DMXL2: variants seen among roughly 807,000 people sequenced by gnomAD.
DMXL2 encodes dmX-like protein 2.
In DMXL2, 103 loss-of-function variants were observed where a neutral mutation model predicts 331.1. The observed-to-expected ratio is 0.31, with a 90% confidence interval of 0.27 to 0.37. The LOEUF (loss-of-function observed/expected upper bound fraction) is 0.37, where lower values mean the gene tolerates loss of function less well. Ranked by LOEUF, DMXL2 falls within the 10% of genes least tolerant of loss-of-function variation. The probability of loss-of-function intolerance (pLI) is 1.00; values close to 1 mark genes in which losing one functional copy is unlikely to be tolerated. For missense variants in DMXL2, 3,171 were observed against 3,642.9 expected (o/e 0.87, Z 3.33); for synonymous variants, 1,281 against 1,252.1 (o/e 1.02, Z -0.49).
chr15:51,569,217 A>C (rs967493589), intron 2 of DMXL2, among the ~76,000 whole-genome samples: 9 of 152,176 alleles, frequency 5.9e-5, no homozygotes, highest in African/African-American at 2.2e-4. Context: ...CTATCACAGC[A>C]TCTGAGGTTG....
At chr15:51,536,919 G>C (rs2140882469) in intron 11 of DMXL2, 57 bp from the exon 12 acceptor site, 1 of 1,386,614 alleles carries the variant, frequency 7.2e-7, no homozygotes, top group Non-Finnish European at 9.7e-7. Context: ...TCAAAAAAAA[G>C]ACTTCTATTC....
At chr15:51,520,930 G>A (rs1409543669) in intron 13 of DMXL2, among the ~76,000 whole-genome samples, 4 of 151,940 alleles carry the variant, frequency 2.6e-5, no homozygotes, top group African/African-American at 4.8e-5. Flanking sequence ...AAAGCAATTC[G>A]AGTGCAGTTT....
intron 8 of DMXL2, among the ~76,000 whole-genome samples, chr15:51,544,381 T>C (rs1410098967): frequency 1.3e-5 from 2 of 152,208 alleles, no homozygotes; most frequent in African/African-American, 4.8e-5. Flanking sequence ...CTGCTTCACC[T>C]TCTGCCATGG....
At chr15:51,511,941 C>T (rs2046780807) in intron 15 of DMXL2, among the ~76,000 whole-genome samples, 1 of 152,012 alleles carries the variant, frequency 6.6e-6, no homozygotes, top group East Asian at 1.9e-4. Flanking sequence ...AACACAGGAA[C>T]AGAAAAACCA....
intron 18 of DMXL2, among the ~76,000 whole-genome samples, chr15:51,497,133 AAC>A (rs1174902886): frequency 3.3e-5 from 5 of 152,250 alleles, no homozygotes; most frequent in African/African-American, 1.2e-4. Context: ...AATCTCATTC[AAC>A]TGCATACAAC....
intron 1 of DMXL2, among the ~76,000 whole-genome samples, chr15:51,601,208 G>A (rs958199848): frequency 1.3e-5 from 2 of 150,846 alleles, no homozygotes; most frequent in African/African-American, 2.4e-5. Context: ...GGAGAATGGC[G>A]TGAACCTGGG....
At chr15:51,609,168 T>C (rs1425222211) in intron 1 of DMXL2, among the ~76,000 whole-genome samples, 1 of 151,976 alleles carries the variant, frequency 6.6e-6, no homozygotes, top group African/African-American at 2.4e-5. Flanking sequence ...GTCTTAGGAC[T>C]AGAGGGAAAA....
intron 17 of DMXL2, 136 bp downstream of exon 17, chr15:51,502,670 C>A: frequency 1.5e-6 from 1 of 663,450 alleles, no homozygotes. Flanking sequence ...CTAGACATAT[C>A]ATTAATAGAA....
rs2039006346 is a variant in DMXL2 at position 51,450,112 on chromosome 15, C to G, written c.8967+17G>C. The G allele has an allele frequency of 6.2e-7, 1 of 1,610,698 alleles. No homozygotes were observed. Among genetic ancestry groups the G allele is most frequent in the African/African-American group, 1.3e-5 (1 of 74,730 alleles). ...CAATCAGTCTTTAGCACATTCCAACCTCTTGTACTGACTCACCTTTATGTT... is the reference window on the plus strand; with the variant it reads ...CAATCAGTCTTTAGCACATTCCAACGTCTTGTACTGACTCACCTTTATGTT... On this transcript the variant is annotated intron_variant, in intron 43 of 43. Transcript: ENST00000560891.
At chr15:51,457,198 A>G in intron 37 of DMXL2, 130 bp downstream of exon 37, 1 of 956,652 alleles carries the variant, frequency 1.0e-6, no homozygotes, top group South Asian at 1.8e-5. Flanking sequence ...AATAAATGTC[A>G]GCTGTCATTA....
chr15:51,551,065 A>C (rs1288977851), intron 6 of DMXL2, among the ~76,000 whole-genome samples: 4 of 152,016 alleles, frequency 2.6e-5, no homozygotes, highest in Admixed American at 2.6e-4. Context: ...CATCTGTTTT[A>C]TCAATTCAAA....
chr15:51,458,756 C>T lies in DMXL2; in HGVS notation c.8029G>A (p.Val2677Ile), dbSNP rs1480938516. The change falls in exon 35 of 44, where the codon GTC becomes ATC. Residue 2677 changes from valine (V) to isoleucine (I), a missense_variant. This residue lies in a region of DMXL2 where 766 missense variants were observed against 940.5 expected (regional missense o/e 0.81). Transcript: ENST00000560891. The part of the protein sequence containing the change: ...DLGYPGGKAK[V>I]IHKESDMIMA... ...ATCATATCAGATTCCTTATGGATGA[C>T]TTTCGCCTTTCCACCTGGATAGCCC... 1.9e-6 allele frequency: 3 copies of T among 1,613,908 alleles called. No individual in the cohort carries two copies. In the Admixed American group the frequency reaches 5.0e-5, roughly 27 times the overall value.
chr15:51,502,368 G>T (rs924459241), intron 17 of DMXL2, among the ~76,000 whole-genome samples: 17 of 148,222 alleles, frequency 1.1e-4, no homozygotes, highest in African/African-American at 4.4e-4. Context: ...GCCCGCCCAG[G>T]CTGGAATGCA....
chr15:51,463,958 A>G (rs938056569), intron 32 of DMXL2, among the ~76,000 whole-genome samples: 11 of 152,186 alleles, frequency 7.2e-5, no homozygotes, highest in African/African-American at 2.4e-4. Context: ...CATGCTGCTT[A>G]TCAAAAGGGA....
intron 6 of DMXL2, among the ~76,000 whole-genome samples, chr15:51,553,724 T>C (rs2049366070): frequency 6.6e-6 from 1 of 152,168 alleles, no homozygotes. Flanking sequence ...TAAGGTTTTC[T>C]TAGTAACATT....
rs762689859 is a variant in DMXL2, at chr15:51,536,677, T to G, written c.1803A>C (p.Thr601=). Residue 601 remains threonine, a synonymous_variant, in exon 12 of 44, where the codon ACA becomes ACC. Coordinates refer to ENST00000560891, the MANE Select transcript of DMXL2 (RefSeq NM_001378457.1). The part of the protein sequence containing the change: ...GSQPHSRSHS[T]HMNILAPTVM... The stretch of plus-strand genomic sequence containing the variant: ...CTGTGGGAGCTAAGATGTTCATATG[T>G]GTACTGTGGGATCTAGAGTGTGGCT... 2.5e-6 allele frequency: 4 copies of G among 1,614,028 alleles called. No individual in the cohort carries two copies. The East Asian group carries it at 6.7e-5, about 27-fold the overall frequency.
chr15:51,480,760 C>G lies in DMXL2; in HGVS notation c.6346G>C (p.Val2116Leu), dbSNP rs1295142920. Residue 2116 changes from valine (V) to leucine (L), a missense_variant, in exon 24 of 44, where the codon GTA (valine) becomes CTA (leucine). Coordinates refer to ENST00000560891, the MANE Select transcript of DMXL2 (RefSeq NM_001378457.1). ...ESDLLDQEEM[V>L]DKPDIGSYER... is the part of the protein sequence containing the mutation. ...TAGGAACCAATATCTGGTTTGTCTA[C>G]CATTTCTTCCTGATCCAGCAGATCA... 8.1e-6 allele frequency: 13 copies of G among 1,600,100 alleles called. No individual in the cohort carries two copies. Among genetic ancestry groups the G allele is most frequent in the Non-Finnish European group, 1.1e-5 (13 of 1,170,678 alleles).
In DMXL2 at chr15:51,545,653, G is replaced by T. The variant is rs750567621; in HGVS notation, c.860C>A (p.Thr287Asn). 23 of 1,613,524 alleles carry T rather than the reference G, an allele frequency of 1.4e-5. No homozygotes were observed. The highest frequency in any genetic ancestry group is 1.9e-5 in the Non-Finnish European group (22 of 1,179,720). ...CLLGEQICET[T>N]TSSIASSLSH... The stretch of plus-strand genomic sequence containing the variant: ...AAGGCTGCTGGCAATGCTGGAAGTG[G>T]TAGTCTCACAAATCTGCTCACCCAA... Residue 287 changes from threonine (T) to asparagine (N), a missense_variant, in exon 8 of 44, where the codon ACC (threonine) becomes AAC (asparagine). Transcript: ENST00000560891.
chr15:51,587,705 G>A (rs1378559473), intron 1 of DMXL2, among the ~76,000 whole-genome samples: 3 of 152,160 alleles, frequency 2.0e-5, no homozygotes, highest in South Asian at 2.1e-4. Context: ...GGCTGGGTCA[G>A]ATGGTATTTC....
Sources: gnomAD v4.1 joint callset for allele counts (sites outside exome capture counted in the v4.1 genomes callset) on GRCh38, gnomAD v4.1.1 for gene constraint, gnomAD v4.1.1 regional missense constraint, MANE v1.5 for transcripts, NCBI Gene and HGNC (gene_info 2026-07-23, HGNC 2026-07-21) for gene names.